The following NUP98 variants were observed in gnomAD, a reference collection of about 807,000 sequenced individuals.
NUP98 encodes the protein nuclear pore complex protein Nup98-Nup96.
A neutral mutation model predicts 191.9 loss-of-function variants in NUP98; 26 were observed. That is an observed-to-expected ratio of 0.14 (90% confidence interval 0.10 to 0.19). The LOEUF is 0.19. NUP98 is among the 10% of genes least tolerant of loss of function. NUP98 has a pLI of 1.00. For synonymous variants in NUP98, 808 were observed against 778.4 expected (o/e 1.04, Z -0.63); for missense variants, 1,941 against 2,178.8 (o/e 0.89, Z 2.17).
In NUP98 at chr11:3,762,945, C is replaced by A; in HGVS notation, c.1043G>T (p.Gly348Val). The change falls in exon 9 of 33, where the codon GGT becomes GTT. Residue 348 changes from glycine to valine, a missense_variant. Physicochemically the swap from Gly to Val is moderately radical, Grantham distance 109 (BLOSUM62 -3). Transcript: ENST00000324932. ...TCCAGTATTGGTCTGCCCAAAGAGA[C>A]CTGTTCCTGTTCCAAATGCTGTCCC... The part of the protein sequence containing the change: ...STGTAFGTGT[G>V]LFGQTNTGFG... The A allele has an allele frequency of 6.2e-7, 1 of 1,614,130 alleles. No individual in the cohort carries two copies. The highest frequency in any genetic ancestry group is 8.5e-7 in the Non-Finnish European group (1 of 1,180,030).
chr11:3,775,458 C>T (rs1317566172), intron 5 of NUP98, among the ~76,000 whole-genome samples: 3 of 151,774 alleles, frequency 2.0e-5, no homozygotes, highest in African/African-American at 7.3e-5. Flanking sequence ...ATCACTTGAA[C>T]CCAGGAGGTA....
chr11:3,677,591 G>A (rs2077858919), intron 31 of NUP98, among the ~76,000 whole-genome samples: 1 of 151,984 alleles, frequency 6.6e-6, no homozygotes, highest in East Asian at 1.9e-4. Context: ...TCAAGCTATA[G>A]TAATTGCTGC....
chr11:3,793,797 C>A (rs2082435510), intron 1 of NUP98, among the ~76,000 whole-genome samples: 1 of 151,766 alleles, frequency 6.6e-6, no homozygotes, highest in Admixed American at 6.6e-5. Flanking sequence ...ATGGTGAAAG[C>A]CTGTCTCTAC....
chr11:3,720,975 A>AAT, intron 16 of NUP98, 150 bp from the exon 17 acceptor site: 1 of 323,536 alleles, frequency 3.1e-6, no homozygotes, highest in Non-Finnish European at 5.6e-6. Context: ...GGGGTGTGTG[A>AAT]GTGTGTGTGT....
At chr11:3,725,273 T>C (rs1589815236) in intron 14 of NUP98, 54 bp from the exon 15 acceptor site, 4 of 786,456 alleles carry the variant, frequency 5.1e-6, no homozygotes, top group Middle Eastern at 2.3e-4. Context: ...CATACAGATA[T>C]GTCCCAGACA....
chr11:3,753,332 A>G lies in NUP98; in HGVS notation c.1251T>C (p.Gly417=), dbSNP rs1215957273. The stretch of plus-strand genomic sequence containing the variant: ...GTTTCTTACCTGTTCCAAATCCTGC[A>G]CCAAGCCCAGTTCCAAGAGTCCCAG... ...PAPGTLGTGL[G]AGFGTALGAG... is the part of the protein sequence containing the mutation. The change falls in exon 11 of 33, where the codon GGT becomes GGC. Residue 417 remains glycine (G), a synonymous_variant. Coordinates refer to ENST00000324932, the MANE Select transcript of NUP98 (RefSeq NM_016320.5). 7.4e-6 allele frequency: 12 copies of G among 1,614,018 alleles called. No individual in the cohort carries two copies. The highest frequency in any genetic ancestry group is 9.3e-6 in the Non-Finnish European group (11 of 1,179,930).
In NUP98 at chr11:3,675,902, C is replaced by T; in HGVS notation, c.*257G>A. On this transcript the variant is annotated 3_prime_UTR_variant, in exon 33 of 33. Transcript: ENST00000324932. ...ATTCTGCCAAAGGAGCTTTATTGACCATTTTTTTAAAGGAAAAACACTGAA... is the reference window on the plus strand; with the variant it reads ...ATTCTGCCAAAGGAGCTTTATTGACTATTTTTTTAAAGGAAAAACACTGAA... The T allele has an allele frequency of 2.0e-6, 1 of 510,422 alleles. No homozygotes were observed. The highest frequency in any genetic ancestry group is 3.5e-6 in the Non-Finnish European group (1 of 284,496). 31.6% of individuals were successfully genotyped at this position (510,422 alleles called of 1,614,324 possible). A position where few individuals can be genotyped will look rare whatever the true frequency, so the allele number is the denominator to read the frequency against.
intron 11 of NUP98, among the ~76,000 whole-genome samples, chr11:3,751,680 T>C (rs2080763043): frequency 6.7e-6 from 1 of 150,244 alleles, no homozygotes; most frequent in Non-Finnish European, 1.5e-5. Flanking sequence ...GCAAAACAGG[T>C]CGACCTCATC....
chr11:3,714,119 ATG>A, intron 18 of NUP98, 124 bp from the exon 19 acceptor site: 3 of 988,614 alleles, frequency 3.0e-6, no homozygotes, highest in Non-Finnish European at 3.0e-6. Context: ...ATTATTCTGC[ATG>A]TGTCATAAAC....
At chr11:3,760,415 T>C (rs1172099359) in intron 10 of NUP98, 124 bp downstream of exon 10, 7 of 1,392,016 alleles carry the variant, frequency 5.0e-6, no homozygotes, top group Middle Eastern at 2.0e-4. Context: ...TTTCCAATCA[T>C]ACGAATCAGG....
rs55821497 is a variant in NUP98, at chr11:3,720,832, CAAAAAAAAAAAA to C, written c.2147-19_2147-8del. The C allele has an allele frequency of 2.7e-6, 1 of 374,286 alleles. No individual in the cohort carries two copies. Among genetic ancestry groups the C allele is most frequent in the Non-Finnish European group, 4.5e-6 (1 of 224,542 alleles). 23.2% of individuals were successfully genotyped at this position (374,286 alleles called of 1,614,324 possible). ...ACCTTAGTGAGAATAATACCTGTGACAAAAAAAAAAAAAAAAACAGAAAAAAAAATAACCTGA... is the reference window on the plus strand; with the variant it reads ...ACCTTAGTGAGAATAATACCTGTGACAAAAACAGAAAAAAAAATAACCTGA... On this transcript the variant is annotated splice_polypyrimidine_tract_variant and splice_region_variant and intron_variant, in intron 16 of 32. Transcript: ENST00000324932.
intron 20 of NUP98, among the ~76,000 whole-genome samples, chr11:3,707,628 ATT>A: frequency 6.7e-6 from 1 of 149,844 alleles, no homozygotes; most frequent in Non-Finnish European, 1.5e-5. Context: ...TGTGCCTGGG[ATT>A]ACAGGCACAT....
intron 11 of NUP98, among the ~76,000 whole-genome samples, chr11:3,746,627 T>C (rs1230811895): frequency 6.6e-6 from 1 of 151,678 alleles, no homozygotes; most frequent in African/African-American, 2.4e-5. Flanking sequence ...AAAAAGGTAC[T>C]GTGGGCTGGG....
intron 2 of NUP98, among the ~76,000 whole-genome samples, chr11:3,780,880 G>A (rs1169357423): frequency 3.9e-5 from 6 of 152,026 alleles, no homozygotes; most frequent in Admixed American, 2.6e-4. Context: ...AGGAGTTTGA[G>A]ACCACCCTGG....
chr11:3,747,012 T>C (rs987220102), intron 11 of NUP98, among the ~76,000 whole-genome samples: 8 of 152,166 alleles, frequency 5.3e-5, no homozygotes, highest in Admixed American at 5.2e-4. Flanking sequence ...AAAATAGGTA[T>C]TTTTATCCAG....
At position 3,794,378 on chromosome 11, in the gene NUP98, T is replaced by C. The variant is rs540305877; in HGVS notation, c.-29+3022A>G. Among the ~76,000 whole-genome samples the C allele has an allele frequency of 4.0e-3, 612 of 152,272 alleles. 1 individual carries two copies. The highest frequency in any genetic ancestry group is 0.014 in the African/African-American group (586 of 41,542). On this transcript the variant is annotated intron_variant, in intron 1 of 32. Coordinates refer to ENST00000324932, the MANE Select transcript of NUP98 (RefSeq NM_016320.5). ...CGCTGTCGCCCAGGCTGGAGTGCAG[T>C]GGCACAATCTTGGCTCACTGCAACC... is the stretch of plus-strand genomic sequence containing the variant.
intron 1 of NUP98, among the ~76,000 whole-genome samples, chr11:3,783,529 T>C (rs1196428872): frequency 6.6e-6 from 1 of 152,168 alleles, no homozygotes; most frequent in African/African-American, 2.4e-5. Flanking sequence ...TGAAACCCTG[T>C]CTCTACTAAA....
intron 1 of NUP98, among the ~76,000 whole-genome samples, chr11:3,783,140 C>T (rs890368776): frequency 1.1e-4 from 16 of 152,182 alleles, no homozygotes; most frequent in African/African-American, 3.9e-4. Context: ...ACCTCTAATC[C>T]TGACAGCTTG....
intron 1 of NUP98, among the ~76,000 whole-genome samples, chr11:3,783,470 G>T (rs758485842): frequency 6.6e-6 from 1 of 152,080 alleles, no homozygotes; most frequent in East Asian, 1.9e-4. Flanking sequence ...AGGCCAAGGC[G>T]GGTGGATCAC....
Sources: allele counts gnomAD v4.1 joint callset (sites outside exome capture counted in the v4.1 genomes callset), GRCh38; gene constraint gnomAD v4.1.1; transcripts MANE v1.5; gene names NCBI Gene and HGNC (gene_info 2026-07-23, HGNC 2026-07-21).